The following DOCK3 variants were observed in gnomAD, a reference collection of about 807,000 sequenced individuals.
DOCK3 encodes the protein dedicator of cytokinesis 3, also known as dedicator of cytokinesis protein 3.
In DOCK3, 60 loss-of-function variants were observed where a neutral mutation model predicts 265.6. That is an observed-to-expected ratio of 0.23 (90% CI 0.18 to 0.28). The LOEUF (loss-of-function observed/expected upper bound fraction) is 0.28. DOCK3 is among the 10% of genes least tolerant of loss of function. The pLI is 1.00. For synonymous variants in DOCK3, 881 were observed against 938.0 expected (o/e 0.94, Z 1.11); for missense variants, 1,981 against 2,594.3 (o/e 0.76, Z 5.14).
At chr3:50,855,459 G>C (rs2046542560) in intron 3 of DOCK3, among the ~76,000 whole-genome samples, 1 of 152,062 alleles carries the variant, frequency 6.6e-6, no homozygotes, top group African/African-American at 2.4e-5. Context: ...TTGGTTCTCA[G>C]CTTGAATGCT....
At chr3:51,050,130 T>A (rs2080937930) in intron 5 of DOCK3, among the ~76,000 whole-genome samples, 1 of 152,120 alleles carries the variant, frequency 6.6e-6, no homozygotes, top group Non-Finnish European at 1.5e-5. Context: ...ATACCTGTAA[T>A]CCCTGCTACT....
rs146901887 is a variant in DOCK3 at position 50,770,108 on chromosome 3, A to G, written c.38-8567A>G. Among the ~76,000 whole-genome samples the G allele has an allele frequency of 1.6e-3, 242 of 152,296 alleles. 2 individuals carry two copies. Among genetic ancestry groups the G allele is most frequent in the African/African-American group, 5.5e-3 (227 of 41,566 alleles). ...AGTACTGGAAGTCCTAGATAGAGCA[A>G]TCAGACAAGAGAAAGATATAAAGGG... On this transcript the variant is annotated intron_variant, in intron 1 of 52. Transcript: ENST00000266037.
intron 5 of DOCK3, among the ~76,000 whole-genome samples, chr3:50,957,815 T>C (rs1030682083): frequency 1.3e-5 from 2 of 152,222 alleles, no homozygotes; most frequent in African/African-American, 4.8e-5. Flanking sequence ...TCTAGTTCTC[T>C]TCATTTGTTC....
intron 5 of DOCK3, among the ~76,000 whole-genome samples, chr3:51,027,347 A>G (rs965448847): frequency 6.6e-6 from 1 of 151,442 alleles, no homozygotes; most frequent in African/African-American, 2.4e-5. Context: ...TTTTCAATTT[A>G]TAGAGACTAG....
chr3:50,992,358 C>T (rs1304652079), intron 5 of DOCK3, among the ~76,000 whole-genome samples: 3 of 152,130 alleles, frequency 2.0e-5, no homozygotes, highest in South Asian at 2.1e-4. Context: ...TGTGAAGTGG[C>T]GTGATCTCAG....
chr3:51,062,008 C>G (rs1362154400), intron 5 of DOCK3, among the ~76,000 whole-genome samples: 2 of 152,162 alleles, frequency 1.3e-5, no homozygotes, highest in African/African-American at 4.8e-5. Flanking sequence ...ACCTACAAAA[C>G]ATGTCAAAAC....
At chr3:51,329,278 C>T (rs1313754712) in intron 32 of DOCK3, among the ~76,000 whole-genome samples, 1 of 152,140 alleles carries the variant, frequency 6.6e-6, no homozygotes, top group Non-Finnish European at 1.5e-5. Context: ...GATAAATAGT[C>T]AATGCATCTG....
chr3:50,859,205 G>T (rs940248411), intron 3 of DOCK3, among the ~76,000 whole-genome samples: 2 of 139,662 alleles, frequency 1.4e-5, no homozygotes, highest in African/African-American at 5.2e-5. Flanking sequence ...TGGAGAACTG[G>T]TATGGTTTTT....
intron 1 of DOCK3, among the ~76,000 whole-genome samples, chr3:50,717,753 G>T (rs929084460): frequency 1.3e-5 from 2 of 152,102 alleles, no homozygotes; most frequent in Non-Finnish European, 2.9e-5. Context: ...CTCCCGAGTA[G>T]CTGGGATTAC....
At chr3:50,864,686 T>C (rs2107530546) in intron 3 of DOCK3, among the ~76,000 whole-genome samples, 1 of 152,240 alleles carries the variant, frequency 6.6e-6, no homozygotes, top group South Asian at 2.1e-4. Context: ...TGCAGCACCA[T>C]TTATTAAAGG....
intron 5 of DOCK3, among the ~76,000 whole-genome samples, chr3:51,013,453 C>G (rs1272028404): frequency 2.0e-5 from 3 of 152,114 alleles, no homozygotes; most frequent in African/African-American, 4.8e-5. Context: ...CACTCCAGAC[C>G]CTGTTTGCCT....
intron 9 of DOCK3, among the ~76,000 whole-genome samples, chr3:51,145,311 G>A (rs2085248155): frequency 1.3e-5 from 2 of 152,014 alleles, no homozygotes; most frequent in Admixed American, 1.3e-4. Context: ...CATGTGCCAT[G>A]TTGGTGTGCT....
intron 5 of DOCK3, among the ~76,000 whole-genome samples, chr3:50,965,917 T>C (rs2108425947): frequency 6.6e-6 from 1 of 152,310 alleles, no homozygotes; most frequent in Non-Finnish European, 1.5e-5. Flanking sequence ...ATGTTGTGCA[T>C]TAGATCCCTA....
chr3:51,033,103 A>G (rs1424211881), intron 5 of DOCK3, among the ~76,000 whole-genome samples: 7 of 152,166 alleles, frequency 4.6e-5, no homozygotes, highest in Non-Finnish European at 7.3e-5. Context: ...TTAGGAAAGA[A>G]GTCAGAAGGA....
chr3:51,296,708 C>A (rs906412154), intron 27 of DOCK3, among the ~76,000 whole-genome samples: 1 of 151,976 alleles, frequency 6.6e-6, no homozygotes, highest in Non-Finnish European at 1.5e-5. Flanking sequence ...GATCTCCTGA[C>A]CTTGTGATCC....
intron 51 of DOCK3, among the ~76,000 whole-genome samples, chr3:51,378,863 C>A (rs1156276748): frequency 6.6e-6 from 1 of 152,210 alleles, no homozygotes; most frequent in Non-Finnish European, 1.5e-5. Flanking sequence ...CACTGCACCC[C>A]TGCATCCATG....
chr3:51,048,095 A>G (rs1030953205), intron 5 of DOCK3, among the ~76,000 whole-genome samples: 1 of 152,176 alleles, frequency 6.6e-6, no homozygotes, highest in Non-Finnish European at 1.5e-5. Context: ...GATACAGTAT[A>G]CCACAATAGC....
intron 26 of DOCK3, among the ~76,000 whole-genome samples, chr3:51,278,786 A>G (rs1228911311): frequency 5.9e-5 from 9 of 152,188 alleles, no homozygotes; most frequent in Non-Finnish European, 4.4e-5. Context: ...AATGAGGATG[A>G]TAATAACTAT....
intron 3 of DOCK3, among the ~76,000 whole-genome samples, chr3:50,851,434 G>A (rs1367640823): frequency 6.6e-6 from 1 of 152,138 alleles, no homozygotes; most frequent in Non-Finnish European, 1.5e-5. Context: ...AACTCCAAAT[G>A]CCTGGAGATC....
Sources: gnomAD v4.1 joint callset for allele counts (sites outside exome capture counted in the v4.1 genomes callset) on GRCh38, gnomAD v4.1.1 for gene constraint, MANE v1.5 for transcripts, NCBI Gene and HGNC (gene_info 2026-07-23, HGNC 2026-07-21) for gene names.